The following TMEM132B variants were observed in gnomAD, a reference collection of about 807,000 sequenced individuals.
The protein encoded by TMEM132B is transmembrane protein 132B.
TMEM132B carries 18 observed loss-of-function variants against 90.8 expected under a neutral mutation model. The ratio of observed to expected loss-of-function variants is 0.20; its 90% confidence interval spans 0.14 to 0.29. The LOEUF (loss-of-function observed/expected upper bound fraction) is 0.29, where lower values mean the gene tolerates loss of function less well. Among genes scored for constraint, TMEM132B ranks in the 10% least tolerant of loss-of-function variants. The probability of loss-of-function intolerance (pLI) is 1.00; values close to 1 mark genes in which losing one functional copy is unlikely to be tolerated. For missense variants in TMEM132B, 1,096 were observed against 1,326.8 expected, an observed-to-expected ratio of 0.83 and a Z score of 2.70; for synonymous variants, 504 against 523.3, an observed-to-expected ratio of 0.96 and a Z score of 0.50.
At chr12:125,545,807 C>T (rs1884076563) in intron 4 of TMEM132B, among the ~76,000 whole-genome samples, 1 of 152,140 alleles carries the variant, frequency 6.6e-6, no homozygotes, top group South Asian at 2.1e-4. Flanking sequence ...TCCCTGGATC[C>T]AGTCATACCC....
At chr12:125,388,463 C>G (rs558819225) in intron 2 of TMEM132B, among the ~76,000 whole-genome samples, 3 of 152,140 alleles carry the variant, frequency 2.0e-5, no homozygotes, top group Non-Finnish European at 4.4e-5. Flanking sequence ...AAACAAAAAC[C>G]TGTTGTCCCG....
chr12:125,475,106 A>G (rs1020377428), intron 3 of TMEM132B, among the ~76,000 whole-genome samples: 1 of 152,286 alleles, frequency 6.6e-6, no homozygotes, highest in Admixed American at 6.5e-5. Flanking sequence ...ACAGGTAGAT[A>G]TCACCTTACC....
At chr12:125,581,374 A>G (rs1482862770) in intron 4 of TMEM132B, among the ~76,000 whole-genome samples, 3 of 152,238 alleles carry the variant, frequency 2.0e-5, no homozygotes, top group African/African-American at 7.2e-5. Flanking sequence ...AAGATAACAG[A>G]CTTCAGGTAT....
intron 3 of TMEM132B, among the ~76,000 whole-genome samples, chr12:125,440,689 C>T (rs913093399): frequency 4.6e-5 from 7 of 152,202 alleles, no homozygotes; most frequent in Non-Finnish European, 1.0e-4. Context: ...GTTGCAATCT[C>T]CAATATGTAG....
intron 2 of TMEM132B, among the ~76,000 whole-genome samples, chr12:125,353,359 A>C (rs1877658558): frequency 6.6e-6 from 1 of 152,130 alleles, no homozygotes; most frequent in Non-Finnish European, 1.5e-5. Flanking sequence ...ATAAGACTAA[A>C]CTTATTTGCT....
intron 4 of TMEM132B, among the ~76,000 whole-genome samples, chr12:125,526,411 T>C (rs145292336): frequency 5.3e-4 from 80 of 152,324 alleles, no homozygotes; most frequent in African/African-American, 1.9e-3. Context: ...CCGTGGCACC[T>C]TCCTTCCCAT....
chr12:125,520,181 T>G (rs912430646), intron 4 of TMEM132B, among the ~76,000 whole-genome samples: 1 of 152,208 alleles, frequency 6.6e-6, no homozygotes, highest in Non-Finnish European at 1.5e-5. Context: ...CTGGGCTTGG[T>G]TGAAGTTACG....
At chr12:125,423,405 G>A (rs1226020243) in intron 3 of TMEM132B, among the ~76,000 whole-genome samples, 1 of 152,160 alleles carries the variant, frequency 6.6e-6, no homozygotes, top group East Asian at 1.9e-4. Flanking sequence ...ACTTAACAGA[G>A]AGGAGGGAGG....
rs73220926 is a variant in TMEM132B, at chr12:125,534,560, C to T, written c.1293+14935C>T. Among the ~76,000 whole-genome samples, 893 of 152,168 alleles carry T rather than the reference C, an allele frequency of 5.9e-3. 3 individuals carry two copies. Among genetic ancestry groups the T allele is most frequent in the Non-Finnish European group, 9.1e-3 (619 of 68,004 alleles). On this transcript the variant is annotated intron_variant, in intron 4 of 8. Transcript: ENST00000682704. ...CCAAAACCAAACCAAACCCAGACAA[C>T]AATAGCAACAACAAAACAGTAAACA...
intron 1 of TMEM132B, among the ~76,000 whole-genome samples, chr12:125,217,524 G>A (rs1873464254): frequency 6.6e-6 from 1 of 152,128 alleles, no homozygotes; most frequent in Non-Finnish European, 1.5e-5. Context: ...TCAGTTCATT[G>A]CAGCCTTGAC....
chr12:125,213,044 C>T lies in TMEM132B; in HGVS notation c.67+26178C>T, dbSNP rs76004610. Among the ~76,000 whole-genome samples the T allele has an allele frequency of 1.0e-3, 154 of 152,316 alleles. 1 individual carries two copies. The highest frequency in any genetic ancestry group is 3.5e-3 in the African/African-American group (146 of 41,562). On this transcript the variant is annotated intron_variant, in intron 1 of 8. Coordinates refer to ENST00000682704, the MANE Select transcript of TMEM132B (RefSeq NM_001366854.1). This position sits in a 1 kb window ranked among gnomAD's most constrained non-coding sequence, Gnocchi z 4.2. ...TTTGGTTCCAGAGCATTTTCATCCTCCCAAATGGAAGTCCCGTACCCACTA... is the reference window on the plus strand; with the variant it reads ...TTTGGTTCCAGAGCATTTTCATCCTTCCAAATGGAAGTCCCGTACCCACTA...
At chr12:125,203,527 T>C (rs1186681013) in intron 1 of TMEM132B, among the ~76,000 whole-genome samples, 2 of 152,234 alleles carry the variant, frequency 1.3e-5, no homozygotes, top group Non-Finnish European at 2.9e-5. Flanking sequence ...CATCTTGACA[T>C]ATACAAACAT....
intron 5 of TMEM132B, chr12:125,622,574 A>C: frequency 1.0e-6 from 1 of 985,482 alleles, no homozygotes; most frequent in Non-Finnish European, 1.2e-6. Flanking sequence ...TGACTTGCTC[A>C]GCCTGACTGT....
At chr12:125,316,916 G>A (rs745311726) in intron 1 of TMEM132B, among the ~76,000 whole-genome samples, 11 of 152,220 alleles carry the variant, frequency 7.2e-5, no homozygotes, top group Non-Finnish European at 1.6e-4. Context: ...TAAGGTCCCC[G>A]ATAAATAAGT....
intron 1 of TMEM132B, among the ~76,000 whole-genome samples, chr12:125,329,079 C>A (rs1325177223): frequency 6.6e-6 from 1 of 152,068 alleles, no homozygotes; most frequent in Non-Finnish European, 1.5e-5. Context: ...GAGGTGGAGC[C>A]CTCGAGGGGT....
At chr12:125,338,870 A>C (rs325081) in intron 1 of TMEM132B, among the ~76,000 whole-genome samples, 2 of 152,202 alleles carry the variant, frequency 1.3e-5, no homozygotes, top group African/African-American at 4.8e-5. Context: ...GATGGAGGGA[A>C]TAAGTGTGCT....
intron 3 of TMEM132B, among the ~76,000 whole-genome samples, chr12:125,484,030 C>A (rs543742688): frequency 3.3e-5 from 5 of 152,216 alleles, no homozygotes; most frequent in African/African-American, 1.2e-4. Flanking sequence ...TGAGCAGGCA[C>A]CCCTAAGAAA....
chr12:125,466,927 G>T (rs909550550), intron 3 of TMEM132B, among the ~76,000 whole-genome samples: 7 of 152,202 alleles, frequency 4.6e-5, no homozygotes, highest in African/African-American at 1.7e-4. Context: ...GAAGTTTAAG[G>T]CTAATGTAAA....
At position 125,225,234 on chromosome 12, in the gene TMEM132B, T is replaced by C. The variant is rs375194748; in HGVS notation, c.67+38368T>C. ...GCAGTGATTCATGGTGTAACTTCCC[T>C]GGGCTCCCAGAGTATATAGCAGGGT... On this transcript the variant is annotated intron_variant, in intron 1 of 8. Transcript: ENST00000682704. Among the ~76,000 whole-genome samples the C allele has an allele frequency of 3.7e-4, 56 of 152,350 alleles. 1 individual carries two copies. The highest frequency in any genetic ancestry group is 1.2e-3 in the African/African-American group (50 of 41,580).
Sources: allele counts gnomAD v4.1 joint callset (sites outside exome capture counted in the v4.1 genomes callset), GRCh38; gene constraint gnomAD v4.1.1; non-coding constraint Gnocchi (gnomAD v3.1); transcripts MANE v1.5; gene names NCBI Gene and HGNC (gene_info 2026-07-23, HGNC 2026-07-21).